The following ATXN2 variants were observed in gnomAD, a reference collection of about 807,000 sequenced individuals.
ATXN2 encodes ataxin-2.
Under a neutral mutation model 138.6 loss-of-function variants are expected in ATXN2, and 37 were observed. The observed-to-expected ratio is 0.27, with a 90% CI of 0.21 to 0.35. The LOEUF (loss-of-function observed/expected upper bound fraction) is 0.35, where lower values mean the gene tolerates loss of function less well. Ranked by LOEUF, ATXN2 falls within the 10% of genes least tolerant of loss-of-function variation. The pLI, the probability that ATXN2 is intolerant of heterozygous loss-of-function variation, is 1.00. For synonymous variants in ATXN2, 549 were observed against 543.7 expected, an observed-to-expected ratio of 1.01 and a Z score of -0.13; for missense variants, 1,216 against 1,480.3, an observed-to-expected ratio of 0.82 and a Z score of 2.93.
intron 5 of ATXN2, among the ~76,000 whole-genome samples, chr12:111,545,927 T>A (rs991828272): frequency 6.8e-6 from 1 of 146,622 alleles, no homozygotes; most frequent in Non-Finnish European, 1.5e-5. Context: ...ATTGCATCAC[T>A]GCACTCCAGC....
chr12:111,510,076 T>A lies in ATXN2; in HGVS notation c.1757-78A>T. 3.7e-6 allele frequency: 4 copies of A among 1,090,754 alleles called. No homozygotes were observed. In the South Asian group the frequency reaches 6.0e-5, roughly 16 times the overall value. The allele number at this position is 1,090,754 out of a possible 1,614,324, so 67.6% of individuals were successfully genotyped here. ...GAAAACACTGAACAATAATTTTGAT[T>A]TCCTATGTTTTTGGAAAATAATGCT... On this transcript the variant is annotated intron_variant, in intron 12 of 24. Coordinates refer to ENST00000673436, the MANE Select transcript of ATXN2 (RefSeq NM_001372574.1).
In ATXN2 at chr12:111,598,957, C is replaced by CTGCTGCTGCTGCTGCTGT. The variant is rs1491320085; in HGVS notation, c.77_78insACAGCAGCAGCAGCAGCA (p.Gln23_Gln28dup). On this transcript the variant is annotated inframe_insertion, in exon 1 of 25. Coordinates refer to ENST00000673436, the MANE Select transcript of ATXN2 (RefSeq NM_001372574.1). This position sits in a 1 kb window ranked among gnomAD's most constrained non-coding sequence, Gnocchi z 4.5. ...TGGCAGCCGCGGGCGGCGGCTGCTG[C>CTGCTGCTGCTGCTGCTGT]TGCTGCTGCTGCTGCTGCTGTTGCT... 2.2e-4 allele frequency: 323 copies of CTGCTGCTGCTGCTGCTGT among 1,480,092 alleles called. No individual in the cohort carries two copies. The highest frequency in any genetic ancestry group is 8.7e-4 in the Admixed American group (42 of 48,102). The allele number at this position is 1,480,092 out of a possible 1,614,324, so 91.7% of individuals were successfully genotyped here.
At chr12:111,541,644 T>C (rs898289099) in intron 5 of ATXN2, among the ~76,000 whole-genome samples, 1 of 149,210 alleles carries the variant, frequency 6.7e-6, no homozygotes, top group Non-Finnish European at 1.5e-5. Context: ...ACAAGTTATG[T>C]TTTAATTCTG....
chr12:111,470,498 C>G, intron 19 of ATXN2, 60 bp downstream of exon 19: 2 of 1,565,470 alleles, frequency 1.3e-6, no homozygotes, highest in Non-Finnish European at 1.8e-6. Flanking sequence ...AATCCCTTTA[C>G]CATATTAAAA....
chr12:111,453,999 T>C lies in ATXN2; in HGVS notation c.3271-154A>G. Reference sequence around the variant, plus strand: ...TCTCTGGGGACAATCTCTAGTAGATTATCTATTGACCTGAAGACGCGCTTC... The same window carrying C: ...TCTCTGGGGACAATCTCTAGTAGATCATCTATTGACCTGAAGACGCGCTTC... On this transcript the variant is annotated intron_variant, in intron 23 of 24. Transcript: ENST00000673436. This position sits in a 1 kb window ranked among gnomAD's most constrained non-coding sequence, Gnocchi z 5.4. 1 of 730,742 alleles carries C rather than the reference T, an allele frequency of 1.4e-6. No homozygotes were observed. Among genetic ancestry groups the C allele is most frequent in the Non-Finnish European group, 2.2e-6 (1 of 461,484 alleles). 45.3% of individuals were successfully genotyped at this position (730,742 alleles called of 1,614,324 possible).
chr12:111,556,566 C>T (rs978758890), intron 1 of ATXN2, among the ~76,000 whole-genome samples: 4 of 151,880 alleles, frequency 2.6e-5, no homozygotes, highest in Admixed American at 1.3e-4. Context: ...GCCTGTAATC[C>T]CAGCACTTTG....
At chr12:111,586,755 A>G (rs1457038524) in intron 1 of ATXN2, among the ~76,000 whole-genome samples, 1 of 151,704 alleles carries the variant, frequency 6.6e-6, no homozygotes, top group Non-Finnish European at 1.5e-5. Flanking sequence ...TCCTGACCTC[A>G]AGTGATCCAC....
At chr12:111,576,132 T>A (rs1423649254) in intron 1 of ATXN2, among the ~76,000 whole-genome samples, 3 of 138,488 alleles carry the variant, frequency 2.2e-5, no homozygotes, top group Non-Finnish European at 3.2e-5. Context: ...TAACATAACA[T>A]AACATCACAC....
intron 21 of ATXN2, among the ~76,000 whole-genome samples, chr12:111,460,222 C>T (rs1289050552): frequency 6.6e-6 from 1 of 151,986 alleles, no homozygotes; most frequent in East Asian, 1.9e-4. Flanking sequence ...GCTAGGACTA[C>T]AGGCGCGCCT....
At chr12:111,485,181 A>T in intron 18 of ATXN2, 84 bp downstream of exon 18, 1 of 1,320,284 alleles carries the variant, frequency 7.6e-7, no homozygotes, top group African/African-American at 1.5e-5. Flanking sequence ...GAGCTAAACT[A>T]CAACTATTTA....
At chr12:111,593,758 G>T (rs147817635) in intron 1 of ATXN2, among the ~76,000 whole-genome samples, 1 of 152,146 alleles carries the variant, frequency 6.6e-6, no homozygotes, top group Non-Finnish European at 1.5e-5. Context: ...ATGTCTCTTT[G>T]GTTAGTAATA....
intron 1 of ATXN2, among the ~76,000 whole-genome samples, chr12:111,576,390 G>C (rs1216113258): frequency 6.6e-6 from 1 of 151,934 alleles, no homozygotes; most frequent in African/African-American, 2.4e-5. Context: ...AGCTAAGATT[G>C]CGCCACTGCA....
chr12:111,522,126 G>T (rs552578402), intron 6 of ATXN2, among the ~76,000 whole-genome samples: 11 of 151,268 alleles, frequency 7.3e-5, no homozygotes, highest in Non-Finnish European at 1.5e-4. Context: ...AGACTATAAT[G>T]TAAGTCTACC....
intron 5 of ATXN2, among the ~76,000 whole-genome samples, chr12:111,536,761 C>A (rs1033227061): frequency 6.6e-6 from 1 of 150,762 alleles, no homozygotes; most frequent in Admixed American, 6.6e-5. Context: ...GAATTGAAAA[C>A]CTATGTCCAC....
intron 5 of ATXN2, among the ~76,000 whole-genome samples, chr12:111,530,891 C>T (rs1205422150): frequency 4.0e-5 from 6 of 151,680 alleles, no homozygotes; most frequent in African/African-American, 1.5e-4. Flanking sequence ...TTTGGGAGGC[C>T]GAGGCGGGCG....
Position 111,552,175 on chromosome 12 carries a change from C to T in ATXN2, c.571+105G>A. On this transcript the variant is annotated intron_variant, in intron 5 of 24. Transcript: ENST00000673436. This position sits in a 1 kb window ranked among gnomAD's most constrained non-coding sequence, Gnocchi z 4.1. ...AGATTACAGGAATGAGCCGCCATAC[C>T]CAGCCCAGATATTTCTTTAAAAAAA... 8.0e-7 allele frequency: 1 copy of T among 1,254,476 alleles called. No homozygotes were observed. Among genetic ancestry groups the T allele is most frequent in the Non-Finnish European group, 1.1e-6 (1 of 932,436 alleles). 77.7% of individuals were successfully genotyped at this position (1,254,476 alleles called of 1,614,324 possible). A position where few individuals can be genotyped will look rare whatever the true frequency, so the allele number is the denominator to read the frequency against.
At chr12:111,550,003 G>A (rs528000047) in intron 5 of ATXN2, among the ~76,000 whole-genome samples, 72 of 149,558 alleles carry the variant, frequency 4.8e-4, no homozygotes, top group African/African-American at 1.6e-3. Flanking sequence ...CAGAGGTTGC[G>A]GTGAGCCGAG....
chr12:111,507,209 AG>A (rs1879189734), intron 14 of ATXN2, among the ~76,000 whole-genome samples: 1 of 132,682 alleles, frequency 7.5e-6, no homozygotes, highest in African/African-American at 2.9e-5. Flanking sequence ...CATCCCGTCT[AG>A]GAAGTGAGGA....
At chr12:111,524,962 T>C (rs1234573200) in intron 6 of ATXN2, among the ~76,000 whole-genome samples, 1 of 152,198 alleles carries the variant, frequency 6.6e-6, no homozygotes, top group Non-Finnish European at 1.5e-5. Flanking sequence ...AAGTAATTCA[T>C]GAGCATCCAC....
Sources: allele counts gnomAD v4.1 joint callset (sites outside exome capture counted in the v4.1 genomes callset), GRCh38; gene constraint gnomAD v4.1.1; non-coding constraint Gnocchi (gnomAD v3.1); transcripts MANE v1.5; gene names NCBI Gene and HGNC (gene_info 2026-07-23, HGNC 2026-07-21).